PTPRD: variants seen among roughly 807,000 people sequenced by gnomAD.
PTPRD encodes receptor-type tyrosine-protein phosphatase delta.
Under a neutral mutation model 214.5 loss-of-function variants are expected in PTPRD, and 34 were observed. The ratio of observed to expected loss-of-function variants is 0.16; its 90% CI spans 0.12 to 0.21. The LOEUF (loss-of-function observed/expected upper bound fraction) is 0.21, where lower values mean the gene tolerates loss of function less well. Ranked by LOEUF, PTPRD falls within the 10% of genes least tolerant of loss-of-function variation. The pLI, the probability that PTPRD is intolerant of heterozygous loss-of-function variation, is 1.00. For missense variants in PTPRD, 2,545 were observed against 2,398.7 expected, an observed-to-expected ratio of 1.06 and a Z score of -1.27; for synonymous variants, 1,128 against 845.7, an observed-to-expected ratio of 1.33 and a Z score of -5.79.
intron 8 of PTPRD, among the ~76,000 whole-genome samples, chr9:9,522,538 T>C (rs913091231): frequency 6.6e-6 from 1 of 152,112 alleles, no homozygotes; most frequent in South Asian, 2.1e-4. Context: ...TAATAATAGA[T>C]TCTGCAGAGT....
intron 11 of PTPRD, among the ~76,000 whole-genome samples, chr9:8,892,669 ATG>A (rs1314653635): frequency 2.3e-5 from 3 of 127,682 alleles, no homozygotes; most frequent in Non-Finnish European, 3.2e-5. Context: ...GTGTATATAT[ATG>A]TGTATATATA....
At chr9:9,164,842 GT>G (rs1178335910) in intron 10 of PTPRD, among the ~76,000 whole-genome samples, 4 of 130,438 alleles carry the variant, frequency 3.1e-5, no homozygotes, top group South Asian at 2.4e-4. Flanking sequence ...ATGAAATCCT[GT>G]CTCTACTAAA....
intron 10 of PTPRD, among the ~76,000 whole-genome samples, chr9:9,074,580 G>C (rs1466367024): frequency 1.3e-5 from 2 of 151,934 alleles, no homozygotes; most frequent in African/African-American, 2.4e-5. Flanking sequence ...TTTAAATCTG[G>C]CTCATATTTT....
chr9:9,529,822 T>C (rs920687073), intron 8 of PTPRD, among the ~76,000 whole-genome samples: 1 of 151,440 alleles, frequency 6.6e-6, no homozygotes, highest in Non-Finnish European at 1.5e-5. Context: ...ATGCAAACAA[T>C]ACATAAATAT....
At chr9:9,890,476 G>C (rs999077172) in intron 5 of PTPRD, among the ~76,000 whole-genome samples, 5 of 152,028 alleles carry the variant, frequency 3.3e-5, no homozygotes, top group Non-Finnish European at 7.4e-5. Flanking sequence ...TTGGATTACA[G>C]GTATGAGCCA....
intron 11 of PTPRD, among the ~76,000 whole-genome samples, chr9:8,842,791 T>C (rs2097584763): frequency 2.0e-5 from 3 of 152,176 alleles, no homozygotes; most frequent in South Asian, 2.1e-4. Context: ...CGCACTATAA[T>C]AAAGCAAAAG....
At chr9:8,944,833 A>G (rs1019095198) in intron 11 of PTPRD, among the ~76,000 whole-genome samples, 2 of 152,064 alleles carry the variant, frequency 1.3e-5, no homozygotes, top group Non-Finnish European at 2.9e-5. Context: ...AGTATTTGAT[A>G]GCACACCAGA....
intron 5 of PTPRD, among the ~76,000 whole-genome samples, chr9:9,844,867 A>G (rs944168220): frequency 6.6e-6 from 1 of 151,462 alleles, no homozygotes; most frequent in African/African-American, 2.4e-5. Flanking sequence ...TATAAACTGA[A>G]AAACAAATAA....
intron 11 of PTPRD, among the ~76,000 whole-genome samples, chr9:9,001,502 C>G (rs1024377745): frequency 6.6e-6 from 1 of 151,990 alleles, no homozygotes; most frequent in Non-Finnish European, 1.5e-5. Context: ...TCATTTCCTT[C>G]AGGCACCTCT....
intron 9 of PTPRD, among the ~76,000 whole-genome samples, chr9:9,211,448 G>C (rs1388648084): frequency 6.6e-6 from 1 of 150,738 alleles, no homozygotes; most frequent in Non-Finnish European, 1.5e-5. Flanking sequence ...ATAAATATTA[G>C]CTTTCATCAC....
chr9:10,094,182 C>CT lies in PTPRD; in HGVS notation c.-544-60393dup, dbSNP rs536821786. On this transcript the variant is annotated intron_variant, in intron 3 of 45. Coordinates refer to ENST00000381196, the MANE Select transcript of PTPRD (RefSeq NM_002839.4). ...GCTGTCTTGGTTTTAATATTTTACT[C>CT]TGTCTATCCTCCTATTTATCCTATT... is the stretch of plus-strand genomic sequence containing the variant. 2.3e-3 allele frequency among the ~76,000 whole-genome samples: 354 copies of CT among 151,556 alleles called. 2 individuals are homozygous for CT. The highest frequency in any genetic ancestry group is 6.6e-3 in the African/African-American group (273 of 41,474).
At chr9:10,489,172 C>T (rs1478755099) in intron 2 of PTPRD, among the ~76,000 whole-genome samples, 1 of 151,990 alleles carries the variant, frequency 6.6e-6, no homozygotes, top group Admixed American at 6.6e-5. Flanking sequence ...AATTATCAGG[C>T]GATATATCCT....
chr9:10,082,374 C>G (rs577819391), intron 3 of PTPRD, among the ~76,000 whole-genome samples: 1 of 152,216 alleles, frequency 6.6e-6, no homozygotes, highest in East Asian at 1.9e-4. Context: ...ATCATAAGAG[C>G]AATCATCCTA....
intron 3 of PTPRD, among the ~76,000 whole-genome samples, chr9:10,148,842 A>G (rs534584672): frequency 3.9e-5 from 6 of 152,180 alleles, no homozygotes; most frequent in Non-Finnish European, 7.3e-5. Context: ...TTTGAGCCCT[A>G]CTATCTCAGA....
intron 9 of PTPRD, among the ~76,000 whole-genome samples, chr9:9,225,532 C>T (rs375274653): frequency 6.6e-6 from 1 of 152,054 alleles, no homozygotes; most frequent in Non-Finnish European, 1.5e-5. Flanking sequence ...CTATGCAGAA[C>T]CCACTTCCTC....
intron 4 of PTPRD, among the ~76,000 whole-genome samples, chr9:10,016,561 A>T (rs2096720387): frequency 1.3e-5 from 2 of 152,196 alleles, no homozygotes; most frequent in South Asian, 4.1e-4. Context: ...TAATTATTAA[A>T]GGAAAATTGC....
In PTPRD at chr9:9,029,013, C is replaced by T. The variant is rs921349479; in HGVS notation, c.-142-10278G>A. Among the ~76,000 whole-genome samples, 3 of 151,966 alleles carry T rather than the reference C, an allele frequency of 2.0e-5. No homozygotes were observed. In the South Asian group the frequency reaches 6.2e-4, roughly 32 times the overall value. On this transcript the variant is annotated intron_variant, in intron 10 of 45. Coordinates refer to ENST00000381196, the MANE Select transcript of PTPRD (RefSeq NM_002839.4). ...CACATATGGCTACAGAGCACTTCAA[C>T]TGTGGCTAGTAAGAATTGAGATGTA...
At chr9:9,275,199 T>TATA (rs1491465404) in intron 9 of PTPRD, among the ~76,000 whole-genome samples, 474 of 10,374 alleles carry the variant, frequency 0.046, 10 homozygotes, top group African/African-American at 0.081. Flanking sequence ...TATATATATA[T>TATA]TATATATATA....
chr9:9,929,444 A>C (rs1370492567), intron 5 of PTPRD, among the ~76,000 whole-genome samples: 1 of 152,154 alleles, frequency 6.6e-6, no homozygotes, highest in Admixed American at 6.5e-5. Context: ...ACCAGGCTGA[A>C]GTGCAGTGGC....
Sources: gnomAD v4.1 joint callset for allele counts (sites outside exome capture counted in the v4.1 genomes callset) on GRCh38, gnomAD v4.1.1 for gene constraint, MANE v1.5 for transcripts, NCBI Gene and HGNC (gene_info 2026-07-23, HGNC 2026-07-21) for gene names.